The following FBXW7 variants were observed in gnomAD, a reference collection of about 807,000 sequenced individuals.
The protein encoded by FBXW7 is F-box and WD repeat domain containing 7.
FBXW7 carries 11 observed loss-of-function variants against 86.3 expected under a neutral mutation model. The observed-to-expected ratio is 0.13, with a 90% confidence interval of 0.08 to 0.21. The LOEUF is 0.21. FBXW7 is among the 10% of genes least tolerant of loss of function. The pLI, the probability that FBXW7 is intolerant of heterozygous loss-of-function variation, is 1.00. For missense variants in FBXW7, 488 were observed against 847.4 expected (o/e 0.58, Z 5.27); for synonymous variants, 313 against 297.9 (o/e 1.05, Z -0.52).
chr4:152,475,098 C>A (rs1449787517), intron 2 of FBXW7, among the ~76,000 whole-genome samples: 1 of 150,474 alleles, frequency 6.6e-6, no homozygotes, highest in African/African-American at 2.4e-5. Context: ...AAGACTCTGT[C>A]TCAATAAATA....
chr4:152,332,818 A>T, intron 7 of FBXW7, 99 bp from the exon 8 acceptor site: 1 of 532,840 alleles, frequency 1.9e-6, no homozygotes, highest in Non-Finnish European at 2.5e-6. Flanking sequence ...CTTGATAAAT[A>T]TAATTCTGCA....
chr4:152,505,555 C>T (rs1479890592), intron 2 of FBXW7, among the ~76,000 whole-genome samples: 2 of 151,758 alleles, frequency 1.3e-5, no homozygotes, highest in Non-Finnish European at 2.9e-5. Flanking sequence ...TGTTTTAAGA[C>T]ACAAATATAC....
chr4:152,366,458 C>A (rs987465061), intron 4 of FBXW7, among the ~76,000 whole-genome samples: 3 of 152,178 alleles, frequency 2.0e-5, no homozygotes, highest in Non-Finnish European at 4.4e-5. Flanking sequence ...ATTAACTTCA[C>A]AGACAGTATT....
intron 2 of FBXW7, chr4:152,530,663 ACATCT>A (rs1749949906): frequency 1.3e-5 from 2 of 152,364 alleles, no homozygotes; most frequent in East Asian, 1.9e-4. Flanking sequence ...TCAGAGAAAA[ACATCT>A]CATCTAGAAA....
intron 2 of FBXW7, among the ~76,000 whole-genome samples, chr4:152,531,859 T>C (rs1750049422): frequency 6.6e-6 from 1 of 151,416 alleles, no homozygotes; most frequent in Admixed American, 6.6e-5. Flanking sequence ...AAGGGACCTA[T>C]ATACCCTATT....
chr4:152,459,154 G>T (rs140309797), intron 2 of FBXW7, among the ~76,000 whole-genome samples: 3 of 152,240 alleles, frequency 2.0e-5, no homozygotes, highest in East Asian at 1.9e-4. Flanking sequence ...CAGTACAGCT[G>T]GTTCAGACTA....
At chr4:152,435,417 C>T (rs1055421693) in intron 2 of FBXW7, among the ~76,000 whole-genome samples, 2 of 152,092 alleles carry the variant, frequency 1.3e-5, no homozygotes, top group Non-Finnish European at 2.9e-5. Flanking sequence ...GGAAGTGATA[C>T]TATGTTTCTC....
intron 4 of FBXW7, 48 bp from the exon 5 acceptor site, chr4:152,350,172 A>G: frequency 1.7e-6 from 2 of 1,165,332 alleles, no homozygotes; most frequent in Non-Finnish European, 2.4e-6. Flanking sequence ...TCGTCTAACT[A>G]TCAAATCTTG....
At chr4:152,511,308 C>A in intron 2 of FBXW7, among the ~76,000 whole-genome samples, 1 of 139,400 alleles carries the variant, frequency 7.2e-6, no homozygotes, top group African/African-American at 2.6e-5. Context: ...CCCACCGAAT[C>A]CCACCATGCC....
At chr4:152,371,789 T>C (rs979518465) in intron 4 of FBXW7, among the ~76,000 whole-genome samples, 3 of 151,998 alleles carry the variant, frequency 2.0e-5, no homozygotes, top group Admixed American at 6.6e-5. Context: ...GCCTGGCTAT[T>C]AGCAGATGCT....
chr4:152,510,751 C>G (rs1242180403), intron 2 of FBXW7, among the ~76,000 whole-genome samples: 1 of 152,152 alleles, frequency 6.6e-6, no homozygotes, highest in East Asian at 1.9e-4. Flanking sequence ...TCACTGAGGT[C>G]AGTCTATTGA....
chr4:152,428,929 C>T (rs1215373965), intron 2 of FBXW7, among the ~76,000 whole-genome samples: 5 of 152,162 alleles, frequency 3.3e-5, no homozygotes, highest in Admixed American at 1.3e-4. Flanking sequence ...CGGGCTCATG[C>T]CTGTAATCCC....
At chr4:152,343,450 C>T (rs560676340) in intron 6 of FBXW7, among the ~76,000 whole-genome samples, 4 of 151,926 alleles carry the variant, frequency 2.6e-5, no homozygotes, top group African/African-American at 9.7e-5. Context: ...ATGTTTTTTC[C>T]CCTTTGACAA....
At chr4:152,501,072 C>A (rs7668331) in intron 2 of FBXW7, among the ~76,000 whole-genome samples, 13,827 of 152,208 alleles carry the variant, frequency 0.091, 1,373 homozygotes, top group African/African-American at 0.25. Flanking sequence ...AAGCTTAAGA[C>A]ATGCAGGAAG....
intron 2 of FBXW7, among the ~76,000 whole-genome samples, chr4:152,513,414 G>C (rs565997597): frequency 6.6e-6 from 1 of 152,164 alleles, no homozygotes; most frequent in African/African-American, 2.4e-5. Context: ...CTGTGCTCCA[G>C]AGTACTCCAC....
chr4:152,485,997 A>AT (rs1745304614), intron 2 of FBXW7, among the ~76,000 whole-genome samples: 1 of 152,206 alleles, frequency 6.6e-6, no homozygotes, highest in Non-Finnish European at 1.5e-5. Context: ...GGTATAGCCC[A>AT]TTGCTCCTAG....
chr4:152,405,857 G>C (rs1318481240), intron 4 of FBXW7, among the ~76,000 whole-genome samples: 3 of 152,146 alleles, frequency 2.0e-5, no homozygotes, highest in Non-Finnish European at 4.4e-5. Flanking sequence ...GATAACCTGG[G>C]GAGGCAAATA....
At chr4:152,494,892 A>C (rs978039267) in intron 2 of FBXW7, among the ~76,000 whole-genome samples, 5 of 152,322 alleles carry the variant, frequency 3.3e-5, no homozygotes, top group Admixed American at 6.5e-5. Context: ...TATACTACTA[A>C]TATTGATGAA....
intron 2 of FBXW7, among the ~76,000 whole-genome samples, chr4:152,493,644 A>G (rs1161141327): frequency 1.3e-5 from 2 of 152,212 alleles, no homozygotes; most frequent in African/African-American, 4.8e-5. Flanking sequence ...ATCTGGACAC[A>G]GACACCAGAA....
Sources: gnomAD v4.1 joint callset for allele counts (sites outside exome capture counted in the v4.1 genomes callset) on GRCh38, gnomAD v4.1.1 for gene constraint, MANE v1.5 for transcripts, NCBI Gene and HGNC (gene_info 2026-07-23, HGNC 2026-07-21) for gene names.